The following PARVG variants were observed in gnomAD, a reference collection of about 807,000 sequenced individuals.
PARVG encodes parvin gamma, also known as gamma-parvin.
PARVG carries 36 observed loss-of-function variants against 44.4 expected under a neutral mutation model. The observed-to-expected ratio is 0.81, with a 90% CI of 0.62 to 1.07. The LOEUF (loss-of-function observed/expected upper bound fraction) is 1.07. Ranked by LOEUF, PARVG falls within the 50% of genes least tolerant of loss-of-function variation. The pLI is 0.00. For synonymous variants in PARVG, 170 were observed against 174.1 expected (o/e 0.98, Z 0.19); for missense variants, 407 against 407.4 (o/e 1.00, Z 0.01).
At chr22:44,195,258 G>A (rs746572213) in intron 9 of PARVG, among the ~76,000 whole-genome samples, 13 of 152,288 alleles carry the variant, frequency 8.5e-5, no homozygotes, top group South Asian at 6.2e-4. Context: ...GGGTGTCAGA[G>A]GGTGAAGAAA....
At chr22:44,193,719 A>G (rs2054580664) in intron 8 of PARVG, 82 bp from the exon 9 acceptor site, 1 of 1,566,188 alleles carries the variant, frequency 6.4e-7, no homozygotes, top group South Asian at 1.2e-5. Flanking sequence ...GCCAGCACTG[A>G]GGCTTGTCAT....
chr22:44,202,114 A>C (rs1246970097), intron 12 of PARVG, among the ~76,000 whole-genome samples: 1 of 152,242 alleles, frequency 6.6e-6, no homozygotes, highest in Non-Finnish European at 1.5e-5. Context: ...TCCCATCCCC[A>C]CTTCCACAGA....
intron 8 of PARVG, among the ~76,000 whole-genome samples, chr22:44,192,573 G>C (rs1429529094): frequency 6.6e-6 from 1 of 151,444 alleles, no homozygotes; most frequent in East Asian, 1.9e-4. Flanking sequence ...TGGCCATCCT[G>C]CTCCCTGCCC....
At chr22:44,201,894 A>G (rs370287498) in intron 12 of PARVG, among the ~76,000 whole-genome samples, 13 of 152,212 alleles carry the variant, frequency 8.5e-5, no homozygotes, top group African/African-American at 3.1e-4. Flanking sequence ...TGGCAGACAC[A>G]TGAGAGACCA....
chr22:44,206,725 G>A lies in PARVG; in HGVS notation c.*299G>A. The A allele has an allele frequency of 2.6e-6, 1 of 381,808 alleles. No homozygotes were observed. The allele number at this position is 381,808 out of a possible 1,614,324, so 23.7% of individuals were successfully genotyped here. A position where few individuals can be genotyped will look rare whatever the true frequency, so the allele number is the denominator to read the frequency against. On this transcript the variant is annotated 3_prime_UTR_variant, in exon 14 of 14. Transcript: ENST00000444313. ...AGCCTCCCTCCCATGGGGTGAGTGT[G>A]TGTCACATCAGTCTCTCATCTCTGG... is the stretch of plus-strand genomic sequence containing the variant.
intron 12 of PARVG, among the ~76,000 whole-genome samples, chr22:44,201,404 C>A (rs1286197844): frequency 2.0e-5 from 3 of 152,196 alleles, no homozygotes; most frequent in Non-Finnish European, 4.4e-5. Flanking sequence ...ACCAGCACAG[C>A]CTGCCGCCCG....
intron 3 of PARVG, chr22:44,183,875 C>G: frequency 2.7e-6 from 1 of 367,884 alleles, no homozygotes; most frequent in Non-Finnish European, 4.8e-6. Context: ...ACACGGACCA[C>G]GCAGCGATGC....
chr22:44,192,539 T>C (rs2054562723), intron 8 of PARVG, among the ~76,000 whole-genome samples: 1 of 151,726 alleles, frequency 6.6e-6, no homozygotes, highest in African/African-American at 2.4e-5. Context: ...TGTGGCTGTC[T>C]TACTCCCCAC....
upstream of PARVG, among the ~76,000 whole-genome samples, chr22:44,178,105 T>G (rs549160373): frequency 3.9e-5 from 6 of 152,310 alleles, no homozygotes; most frequent in South Asian, 1.0e-3. Context: ...CCAGCCATGG[T>G]GGAACTGTGA....
Position 44,187,794 on chromosome 22 carries a change from A to G in PARVG, c.163A>G (p.Asn55Asp). ...ELQKVLMEWI[N>D]ATLLPEHIVV... ...CCTGCAGGTGTTGATGGAGTGGATC[A>G]ATGCCACTCTTCTCCCCGAGCACAT... The change falls in exon 5 of 14, where the codon AAT becomes GAT. Residue 55 changes from asparagine (N) to aspartate (D), a missense_variant. Coordinates refer to ENST00000444313, the MANE Select transcript of PARVG (RefSeq NM_022141.7). 6.2e-7 allele frequency: 1 copy of G among 1,614,230 alleles called. No individual in the cohort carries two copies.
intron 13 of PARVG, 35 bp from the exon 14 acceptor site, chr22:44,206,282 C>T: frequency 2.0e-6 from 3 of 1,518,540 alleles, no homozygotes; most frequent in Non-Finnish European, 1.8e-6. Flanking sequence ...GCCACCCAGG[C>T]CTGACTGGCT....
chr22:44,193,996 G>A (rs777657879), intron 9 of PARVG, among the ~76,000 whole-genome samples, 173 bp downstream of exon 9: 5 of 152,132 alleles, frequency 3.3e-5, no homozygotes, highest in Non-Finnish European at 7.3e-5. Flanking sequence ...TCCATCCATG[G>A]AGCTGGCTGC....
In PARVG at chr22:44,182,327, G is replaced by T. The variant is rs1262299600; in HGVS notation, c.-13+410G>T. 6.6e-6 allele frequency among the ~76,000 whole-genome samples: 1 copy of T among 152,156 alleles called. No homozygotes were observed. Among genetic ancestry groups the T allele is most frequent in the Non-Finnish European group, 1.5e-5 (1 of 68,038 alleles). On this transcript the variant is annotated intron_variant, in intron 2 of 13. Coordinates refer to ENST00000444313, the MANE Select transcript of PARVG (RefSeq NM_022141.7). The surrounding 1 kb of genome is among the most constrained non-coding windows in gnomAD (Gnocchi z 4.6). ...ACACAGCCTGAGTGAGGAGGAGCTGGCCTGGGACCCAGGCTTCCTGACGCC... is the reference window on the plus strand; with the variant it reads ...ACACAGCCTGAGTGAGGAGGAGCTGTCCTGGGACCCAGGCTTCCTGACGCC...
intron 1 of PARVG, chr22:44,173,313 A>G: frequency 1.2e-6 from 1 of 869,222 alleles, no homozygotes; most frequent in Non-Finnish European, 1.5e-6. Context: ...TCATGATGTG[A>G]CGTCACTGGG....
intron 7 of PARVG, among the ~76,000 whole-genome samples, chr22:44,190,913 C>T (rs1247706399): frequency 1.3e-5 from 2 of 152,190 alleles, no homozygotes; most frequent in African/African-American, 2.4e-5. Flanking sequence ...TGGCCAGCTC[C>T]ACTTGACCTC....
upstream of PARVG, among the ~76,000 whole-genome samples, chr22:44,177,989 C>A (rs767511906): frequency 3.9e-5 from 6 of 152,076 alleles, no homozygotes; most frequent in Non-Finnish European, 8.8e-5. Context: ...GTTACCTTTC[C>A]ATCAGGAATA....
chr22:44,175,434 G>A (rs527992887), intron 1 of PARVG, among the ~76,000 whole-genome samples: 14 of 152,370 alleles, frequency 9.2e-5, no homozygotes, highest in African/African-American at 2.6e-4. Flanking sequence ...CCGCAGGGAC[G>A]GGCATCTCTG....
upstream of PARVG, among the ~76,000 whole-genome samples, chr22:44,179,253 A>G (rs2054346087): frequency 6.6e-6 from 1 of 152,130 alleles, no homozygotes; most frequent in Admixed American, 6.5e-5. The surrounding 1 kb of genome is among the most constrained non-coding windows in gnomAD (Gnocchi z 4.2). Flanking sequence ...CCCCTAAACA[A>G]TGCTCTACAC....
At chr22:44,186,450 CTG>C (rs2054471825) in intron 4 of PARVG, 1 of 420,762 alleles carries the variant, frequency 2.4e-6, no homozygotes, top group African/African-American at 2.0e-5. Context: ...CATGGCCTCT[CTG>C]TTGCCTCCTC....
Sources: gnomAD v4.1 joint callset for allele counts (sites outside exome capture counted in the v4.1 genomes callset) on GRCh38, gnomAD v4.1.1 for gene constraint, Gnocchi (gnomAD v3.1) non-coding constraint, MANE v1.5 for transcripts, NCBI Gene and HGNC (gene_info 2026-07-23, HGNC 2026-07-21) for gene names.